Variants in SEPTIN10 observed in about 807,000 individuals in gnomAD.
The protein encoded by SEPTIN10 is septin 10.
Under a neutral mutation model 54.8 loss-of-function variants are expected in SEPTIN10, and 66 were observed. That is an observed-to-expected ratio of 1.21 (90% CI 0.99 to 1.48). The LOEUF is 1.48. SEPTIN10 is among the 40% of genes most tolerant of loss of function. The pLI is 0.00. For missense variants in SEPTIN10, 620 were observed against 545.6 expected, an observed-to-expected ratio of 1.14 and a Z score of -1.36; for synonymous variants, 161 against 181.0, an observed-to-expected ratio of 0.89 and a Z score of 0.89.
chr2:109,542,941 G>A lies in SEPTIN10; in HGVS notation c.*1368C>T, dbSNP rs1488582999. 3.3e-5 allele frequency: 5 copies of A among 152,444 alleles called. No homozygotes were observed. The highest frequency in any genetic ancestry group is 9.7e-5 in the African/African-American group (4 of 41,402). 9.4% of individuals were successfully genotyped at this position (152,444 alleles called of 1,614,324 possible). A position where few individuals can be genotyped will look rare whatever the true frequency, so the allele number is the denominator to read the frequency against. Reference sequence around the variant, plus strand: ...AATTCAAATACATAATTAAATGAACGTTTTTAAAATGAGAGTTTTCAGAAA... The same window carrying A: ...AATTCAAATACATAATTAAATGAACATTTTTAAAATGAGAGTTTTCAGAAA... On this transcript the variant is annotated 3_prime_UTR_variant, in exon 11 of 11. Coordinates refer to ENST00000397712, the MANE Select transcript of SEPTIN10 (RefSeq NM_144710.5).
chr2:109,553,123 C>A lies in SEPTIN10; in HGVS notation c.1125G>T (p.Lys375Asn), dbSNP rs1558709332. The change falls in exon 9 of 11, where the codon AAG becomes AAT. Residue 375 changes from lysine to asparagine, a missense_variant. Lys to Asn is a moderately conservative substitution (Grantham distance 94). Coordinates refer to ENST00000397712, the MANE Select transcript of SEPTIN10 (RefSeq NM_144710.5). ...EMKQMFVQRV[K>N]EKEAILKEAE... ...CTTCTTTCAATATGGCTTCTTTCTC[C>A]TTTACTCGCTGCACAAACATCTGTT... 1 of 1,613,580 alleles carries A rather than the reference C, an allele frequency of 6.2e-7. No homozygotes were observed. The highest frequency in any genetic ancestry group is 8.5e-7 in the Non-Finnish European group (1 of 1,180,028).
intron 8 of SEPTIN10, among the ~76,000 whole-genome samples, chr2:109,560,144 T>A (rs962766821): frequency 3.9e-5 from 6 of 152,068 alleles, no homozygotes; most frequent in African/African-American, 1.4e-4. Context: ...ATAGTCTTGA[T>A]CTCCTGACCT....
intron 9 of SEPTIN10, among the ~76,000 whole-genome samples, chr2:109,546,829 T>C (rs559791037): frequency 6.6e-6 from 1 of 152,296 alleles, no homozygotes; most frequent in African/African-American, 2.4e-5. Flanking sequence ...AAAATACTCA[T>C]CATAGTAGAA....
At position 109,593,098 on chromosome 2, in the gene SEPTIN10, T is replaced by C; in HGVS notation, c.52A>G (p.Thr18Ala). The C allele has an allele frequency of 6.2e-7, 1 of 1,600,616 alleles. No individual in the cohort carries two copies. Reference protein sequence around the residue: ...RHLLFQSHMATKTTCMSSQGS... With the variant: ...RHLLFQSHMAAKTTCMSSQGS... ...TGTGAAGACATACAAGTTGTTTTCG[T>C]TGCCATGTGAGACTGAAAGAGCTAA... is the stretch of plus-strand genomic sequence containing the variant. The change falls in exon 2 of 11, where the codon ACG (threonine) becomes GCG (alanine). Residue 18 changes from threonine (T) to alanine (A), a missense_variant. Physicochemically the swap from Thr to Ala is moderately conservative, Grantham distance 58. Transcript: ENST00000397712.
At chr2:109,609,013 C>A (rs1439484284) in intron 1 of SEPTIN10, among the ~76,000 whole-genome samples, 1 of 152,306 alleles carries the variant, frequency 6.6e-6, no homozygotes, top group East Asian at 1.9e-4. Context: ...AATTTAAGAG[C>A]ATCCTTCTCC....
At chr2:109,575,914 AAAC>A (rs1213717820) in intron 4 of SEPTIN10, among the ~76,000 whole-genome samples, 7 of 152,224 alleles carry the variant, frequency 4.6e-5, no homozygotes, top group Non-Finnish European at 7.3e-5. Context: ...TGCAAATGGT[AAAC>A]AATGTGAGGA....
chr2:109,550,448 A>G (rs1302174294), intron 9 of SEPTIN10, among the ~76,000 whole-genome samples: 1 of 151,040 alleles, frequency 6.6e-6, no homozygotes, highest in East Asian at 2.0e-4. Context: ...GAGTAGCTGG[A>G]ATTATAGGCA....
intron 4 of SEPTIN10, among the ~76,000 whole-genome samples, chr2:109,578,222 C>T (rs753460010): frequency 1.3e-5 from 2 of 151,824 alleles, no homozygotes; most frequent in Non-Finnish European, 2.9e-5. Flanking sequence ...AGGAATTACA[C>T]GATCAAATAA....
At chr2:109,548,709 G>A (rs1223640009) in intron 9 of SEPTIN10, among the ~76,000 whole-genome samples, 3 of 148,664 alleles carry the variant, frequency 2.0e-5, no homozygotes, top group Admixed American at 6.8e-5. Context: ...CCGGGAGGCC[G>A]AGGTTGCAGT....
intron 2 of SEPTIN10, among the ~76,000 whole-genome samples, chr2:109,589,780 G>A (rs1359882699): frequency 1.3e-5 from 2 of 151,806 alleles, no homozygotes; most frequent in Non-Finnish European, 2.9e-5. Flanking sequence ...GAAAACATAT[G>A]TCCACCCAAG....
rs774056999 is a variant in SEPTIN10 at position 109,544,286 on chromosome 2, T to C, written c.*23A>G. On this transcript the variant is annotated 3_prime_UTR_variant, in exon 11 of 11. Transcript: ENST00000397712. ...ATAAAGTTTGCTTGTGATGATGACCTTCTGTGCTCTGGAACTTCTGTTTTA... is the reference window on the plus strand; with the variant it reads ...ATAAAGTTTGCTTGTGATGATGACCCTCTGTGCTCTGGAACTTCTGTTTTA... 8.1e-6 allele frequency: 13 copies of C among 1,611,442 alleles called. No homozygotes were observed. Among genetic ancestry groups the C allele is most frequent in the Non-Finnish European group, 1.0e-5 (12 of 1,179,434 alleles).
rs760390400 is a variant in SEPTIN10, at chr2:109,574,697, G to A, written c.484C>T (p.Arg162Cys). 1.2e-5 allele frequency: 20 copies of A among 1,608,268 alleles called. No individual in the cohort carries two copies. The highest frequency in any genetic ancestry group is 5.6e-5 in the South Asian group (5 of 89,976). ...AYLQEELKIK[R>C]SLFTYHDSRI... The stretch of plus-strand genomic sequence containing the variant: ...GAATCATGGTAGGTAAAGAGAGAAC[G>A]CTTAATCTTCAGTTCTTCTTGGAGA... The change falls in exon 5 of 11, where the codon CGT (arginine) becomes TGT (cysteine). Residue 162 changes from arginine to cysteine, a missense_variant. By Grantham distance (180) the Arg-to-Cys change is radical. Coordinates refer to ENST00000397712, the MANE Select transcript of SEPTIN10 (RefSeq NM_144710.5).
intron 2 of SEPTIN10, among the ~76,000 whole-genome samples, chr2:109,590,929 C>T (rs985785387): frequency 6.6e-6 from 1 of 152,168 alleles, no homozygotes; most frequent in Non-Finnish European, 1.5e-5. Context: ...AGATAAGAAC[C>T]CAGCAGCTGA....
chr2:109,545,535 C>CTGGT (rs1276168802), intron 10 of SEPTIN10: 1 of 1,535,790 alleles, frequency 6.5e-7, no homozygotes, highest in African/African-American at 1.4e-5. Flanking sequence ...AATCGACAGC[C>CTGGT]TGGTTCCCTT....
In SEPTIN10 at chr2:109,564,467, GT is replaced by G. The variant is rs1558750013; in HGVS notation, c.926del (p.Asp309AlafsTer58). ...REMLICTNMEDLREQTHTRHY... is the reference protein window; with the variant it reads ...REMLICTNMEXLREQTHTRHY... ...GCCTGGTATGGGTCTGCTCTCGCAG[GT>G]CCTCCATATTTGTACAAATGAGCAT... On this transcript the variant is annotated frameshift_variant, in exon 8 of 11. Transcript: ENST00000397712. LOFTEE classifies it high-confidence loss of function. 6.3e-7 allele frequency: 1 copy of G among 1,590,180 alleles called. No homozygotes were observed. Among genetic ancestry groups the G allele is most frequent in the Non-Finnish European group, 8.6e-7 (1 of 1,165,194 alleles).
intron 1 of SEPTIN10, among the ~76,000 whole-genome samples, chr2:109,610,379 C>A (rs1410031271): frequency 6.6e-6 from 1 of 152,046 alleles, no homozygotes; most frequent in Non-Finnish European, 1.5e-5. Flanking sequence ...TGAGCCACTG[C>A]GCCCAGCCAC....
chr2:109,548,775 C>CAAAAAAA (rs57096452), intron 9 of SEPTIN10, among the ~76,000 whole-genome samples: 15 of 63,592 alleles, frequency 2.4e-4, no homozygotes, highest in Non-Finnish European at 3.6e-4. Context: ...GGCTCCATCT[C>CAAAAAAA]AAAAAAAAAA....
At chr2:109,613,615 G>T (rs1023272036) in intron 1 of SEPTIN10, 183 bp downstream of exon 1, 23 of 336,922 alleles carry the variant, frequency 6.8e-5, no homozygotes, top group African/African-American at 5.0e-4. Flanking sequence ...AGGCTCCGCA[G>T]AGGCTCCTCT....
At chr2:109,606,501 T>C (rs1697987962) in intron 1 of SEPTIN10, among the ~76,000 whole-genome samples, 1 of 152,182 alleles carries the variant, frequency 6.6e-6, no homozygotes, top group African/African-American at 2.4e-5. Flanking sequence ...TAGCATTCAA[T>C]TACCATAGTG....
Sources: gnomAD v4.1 joint callset for allele counts (sites outside exome capture counted in the v4.1 genomes callset) on GRCh38, gnomAD v4.1.1 for gene constraint, MANE v1.5 for transcripts, NCBI Gene and HGNC (gene_info 2026-07-23, HGNC 2026-07-21) for gene names.